RALGAPA2: variants seen among roughly 807,000 people sequenced by gnomAD.
RALGAPA2 encodes the protein Ral GTPase activating protein catalytic subunit alpha 2.
In RALGAPA2, 139 loss-of-function variants were observed where a neutral mutation model predicts 230.4. The observed-to-expected ratio is 0.60, with a 90% CI of 0.53 to 0.69. RALGAPA2 has a LOEUF of 0.69. RALGAPA2 is among the 30% of genes least tolerant of loss of function. RALGAPA2 has a pLI of 0.00. For missense variants in RALGAPA2, 2,163 were observed against 2,276.0 expected, an observed-to-expected ratio of 0.95 and a Z score of 1.01; for synonymous variants, 847 against 837.8, an observed-to-expected ratio of 1.01 and a Z score of -0.19.
chr20:20,513,424 A>G (rs1272636977), intron 31 of RALGAPA2, 140 bp from the exon 32 acceptor site: 3 of 581,582 alleles, frequency 5.2e-6, no homozygotes, highest in Non-Finnish European at 7.8e-6. Context: ...CCACTTGGAA[A>G]TAGCAAGATA....
At chr20:20,516,949 T>C (rs2062889701) in intron 31 of RALGAPA2, among the ~76,000 whole-genome samples, 1 of 152,158 alleles carries the variant, frequency 6.6e-6, no homozygotes, top group Non-Finnish European at 1.5e-5. Context: ...ACAATTGCAG[T>C]GCTGGGTGCA....
At chr20:20,592,667 G>C (rs2065328509) in intron 16 of RALGAPA2, among the ~76,000 whole-genome samples, 1 of 152,090 alleles carries the variant, frequency 6.6e-6, no homozygotes, top group Admixed American at 6.5e-5. Context: ...TAACTGGCTG[G>C]GTCACCTGGT....
chr20:20,531,494 T>C (rs996935900), intron 27 of RALGAPA2, among the ~76,000 whole-genome samples, 193 bp downstream of exon 27: 1 of 152,180 alleles, frequency 6.6e-6, no homozygotes, highest in Non-Finnish European at 1.5e-5. Flanking sequence ...CTCGAGACAC[T>C]CGTGGCCAGG....
At chr20:20,473,966 T>TGAATTTATTGAGCTTG (rs2061595006) in intron 36 of RALGAPA2, among the ~76,000 whole-genome samples, 1 of 152,210 alleles carries the variant, frequency 6.6e-6, no homozygotes, top group African/African-American at 2.4e-5. Context: ...CAAAAATCCC[T>TGAATTTATTGAGCTTG]GAATTTATTG....
chr20:20,653,529 C>A lies in RALGAPA2; in HGVS notation c.328+1G>T. On this transcript the variant is annotated splice_donor_variant, in intron 4 of 39. Transcript: ENST00000202677. LOFTEE classifies it high-confidence loss of function. ...ACTAAAAAATTTTTAATTGTTCTTACCTATACTCTGGTAATGCCATCGAAA... is the reference window on the plus strand; with the variant it reads ...ACTAAAAAATTTTTAATTGTTCTTAACTATACTCTGGTAATGCCATCGAAA... 1 of 1,478,900 alleles carries A rather than the reference C, an allele frequency of 6.8e-7. No homozygotes were observed. The highest frequency in any genetic ancestry group is 9.2e-7 in the Non-Finnish European group (1 of 1,086,112). 91.6% of individuals were successfully genotyped at this position (1,478,900 alleles called of 1,614,324 possible).
intron 37 of RALGAPA2, among the ~76,000 whole-genome samples, chr20:20,441,572 C>T (rs535685123): frequency 1.3e-5 from 2 of 152,326 alleles, no homozygotes; most frequent in Admixed American, 1.3e-4. Context: ...TCAAGACCAG[C>T]GGGGGTTGCT....
chr20:20,608,260 T>A (rs1322888092), intron 14 of RALGAPA2, among the ~76,000 whole-genome samples: 1 of 152,118 alleles, frequency 6.6e-6, no homozygotes, highest in Admixed American at 6.5e-5. Context: ...ACCAACACAC[T>A]AAGGGGACTG....
intron 13 of RALGAPA2, among the ~76,000 whole-genome samples, chr20:20,615,590 G>C (rs2066115478): frequency 6.6e-6 from 1 of 152,318 alleles, no homozygotes; most frequent in Admixed American, 6.5e-5. Flanking sequence ...GACAGGAACA[G>C]ATTGTTGACT....
rs115633555 is a variant in RALGAPA2, at chr20:20,537,891, T to C, written c.3286-1107A>G. 3.2e-3 allele frequency among the ~76,000 whole-genome samples: 493 copies of C among 152,324 alleles called. 2 individuals carry two copies. Among genetic ancestry groups the C allele is most frequent in the African/African-American group, 0.011 (441 of 41,574 alleles). ...AATGAAGAAGAGGCTACTGTTTTCA[T>C]TTTCCAGTGAGAAAACTGACGCCAA... On this transcript the variant is annotated intron_variant, in intron 24 of 39. Coordinates refer to ENST00000202677, the MANE Select transcript of RALGAPA2 (RefSeq NM_020343.4).
chr20:20,593,708 A>T (rs1335953754), intron 16 of RALGAPA2, among the ~76,000 whole-genome samples: 1 of 152,270 alleles, frequency 6.6e-6, no homozygotes, highest in East Asian at 1.9e-4. Context: ...TGCCAAAAAC[A>T]GATAGATGTT....
At chr20:20,572,463 C>T (rs965094807) in intron 21 of RALGAPA2, among the ~76,000 whole-genome samples, 2 of 145,692 alleles carry the variant, frequency 1.4e-5, no homozygotes, top group Admixed American at 6.8e-5. Context: ...AAAAAAAAAA[C>T]TTGTATGTAC....
At chr20:20,508,281 A>G (rs1366031628) in intron 33 of RALGAPA2, among the ~76,000 whole-genome samples, 1 of 152,264 alleles carries the variant, frequency 6.6e-6, no homozygotes, top group African/African-American at 2.4e-5. Context: ...AGCAACATCA[A>G]CAGCACTTCA....
chr20:20,423,160 G>A lies in RALGAPA2; in HGVS notation c.5496-11012C>T, dbSNP rs559973370. On this transcript the variant is annotated intron_variant, in intron 37 of 39. Coordinates refer to ENST00000202677, the MANE Select transcript of RALGAPA2 (RefSeq NM_020343.4). The stretch of plus-strand genomic sequence containing the variant: ...CTGGACATAACCCTGGGATCAAGGT[G>A]TAAGTGACCAGGAGGGTGGGACAAA... Among the ~76,000 whole-genome samples the A allele has an allele frequency of 1.9e-3, 282 of 152,284 alleles. 1 individual carries two copies. Among genetic ancestry groups the A allele is most frequent in the Non-Finnish European group, 2.1e-3 (142 of 68,016 alleles).
chr20:20,580,682 C>T (rs2064959557), intron 20 of RALGAPA2, among the ~76,000 whole-genome samples: 1 of 152,156 alleles, frequency 6.6e-6, no homozygotes, highest in African/African-American at 2.4e-5. Context: ...ATTTCCATGT[C>T]TGTATGTCTT....
chr20:20,549,571 C>A (rs1157472371), intron 23 of RALGAPA2, among the ~76,000 whole-genome samples: 1 of 152,122 alleles, frequency 6.6e-6, no homozygotes, highest in African/African-American at 2.4e-5. Flanking sequence ...GACCAGTCAG[C>A]CAAATTATGG....
intron 2 of RALGAPA2, among the ~76,000 whole-genome samples, chr20:20,679,227 G>A (rs1388044840): frequency 6.6e-6 from 1 of 151,958 alleles, no homozygotes; most frequent in Non-Finnish European, 1.5e-5. Flanking sequence ...TTCCAAATCT[G>A]GCTCCCCTCC....
At chr20:20,694,234 G>C (rs918394459) in intron 1 of RALGAPA2, among the ~76,000 whole-genome samples, 32 of 151,950 alleles carry the variant, frequency 2.1e-4, no homozygotes, top group Non-Finnish European at 2.9e-4. Context: ...GAACACAGGA[G>C]AGATATGGTA....
intron 23 of RALGAPA2, among the ~76,000 whole-genome samples, chr20:20,552,526 A>G (rs2063957210): frequency 6.6e-6 from 1 of 152,206 alleles, no homozygotes; most frequent in Non-Finnish European, 1.5e-5. Flanking sequence ...AAAGAGGGGA[A>G]GGTTGGGATC....
rs77772912 is a variant in RALGAPA2, at chr20:20,674,863, T to C, written c.270+1373A>G. Reference sequence around the variant, plus strand: ...TTTTAAAAGAAAGAGAATGATAAAATGCAGGGGAGTTACTGTCACAGAGGT... The same window carrying C: ...TTTTAAAAGAAAGAGAATGATAAAACGCAGGGGAGTTACTGTCACAGAGGT... On this transcript the variant is annotated intron_variant, in intron 3 of 39. Transcript: ENST00000202677. Among the ~76,000 whole-genome samples, 919 of 152,186 alleles carry C rather than the reference T, an allele frequency of 6.0e-3. 9 individuals are homozygous for C. The highest frequency in any genetic ancestry group is 0.03 in the South Asian group (147 of 4,824).
Sources: allele counts gnomAD v4.1 joint callset (sites outside exome capture counted in the v4.1 genomes callset), GRCh38; gene constraint gnomAD v4.1.1; transcripts MANE v1.5; gene names NCBI Gene and HGNC (gene_info 2026-07-23, HGNC 2026-07-21).